Variants in TCF12 observed in about 807,000 individuals in gnomAD.
TCF12 encodes DNA-binding protein HTF4.
TCF12 carries 45 observed loss-of-function variants against 86.0 expected under a neutral mutation model. That is an observed-to-expected ratio of 0.52 (90% CI 0.41 to 0.67). The LOEUF is 0.67. Ranked by LOEUF, TCF12 falls within the 30% of genes least tolerant of loss-of-function variation. The pLI is 0.00. For synonymous variants in TCF12, 330 were observed against 299.6 expected (o/e 1.10, Z -1.05); for missense variants, 881 against 859.9 (o/e 1.02, Z -0.31).
chr15:57,277,298 C>A (rs759306171), intron 19 of TCF12, among the ~76,000 whole-genome samples: 49 of 152,034 alleles, frequency 3.2e-4, no homozygotes, highest in Non-Finnish European at 8.8e-5. Flanking sequence ...ACACTCCAGC[C>A]TGGGTGACAG....
intron 4 of TCF12, among the ~76,000 whole-genome samples, chr15:57,075,339 C>T (rs557229381): frequency 1.3e-5 from 2 of 152,244 alleles, no homozygotes; most frequent in South Asian, 4.1e-4. Flanking sequence ...TTTGTAGTCT[C>T]TTGGAATTCT....
rs1567371129 is a variant in TCF12, at chr15:57,075,829, TC to T, written c.222+12007del. Among the ~76,000 whole-genome samples the T allele has an allele frequency of 4.4e-4, 32 of 73,376 alleles. 1 individual carries two copies. The highest frequency in any genetic ancestry group is 7.8e-3 in the Middle Eastern group (1 of 128). The allele number at this position is 73,376 out of a possible 152,430, so 48.1% of individuals were successfully genotyped here. A position where few individuals can be genotyped will look rare whatever the true frequency, so the allele number is the denominator to read the frequency against. ...TTCTCTCTCTCTCTCTCTCTCTCTC[TC>T]TCTCTTTTCTTTCTTTCTTTCTTTC... is the stretch of plus-strand genomic sequence containing the variant. On this transcript the variant is annotated intron_variant, in intron 4 of 20. Transcript: ENST00000333725.
At chr15:57,236,362 TGAG>T (rs1403339155) in intron 12 of TCF12, among the ~76,000 whole-genome samples, 12 of 152,244 alleles carry the variant, frequency 7.9e-5, no homozygotes, top group East Asian at 7.7e-4. Flanking sequence ...TTAGAAGAGA[TGAG>T]GAGAAGGAAA....
intron 3 of TCF12, among the ~76,000 whole-genome samples, chr15:57,048,288 G>GTC (rs1486366072): frequency 6.6e-6 from 1 of 152,090 alleles, no homozygotes; most frequent in Non-Finnish European, 1.5e-5. Context: ...TTGAGACAGA[G>GTC]TCTCGCTGTG....
chr15:57,075,804 T>TTCTTTCTCTCTCTCTCTCTCTCTCTCTC (rs1461514777), intron 4 of TCF12, among the ~76,000 whole-genome samples: 7 of 28,600 alleles, frequency 2.4e-4, no homozygotes, highest in South Asian at 2.1e-3. Flanking sequence ...CTTTCTTTCT[T>TTCTTTCTCTCTCTCTCTCTCTCTCTCTC]TCTCTCTCTC....
At chr15:57,044,861 A>G (rs2067127865) in intron 3 of TCF12, among the ~76,000 whole-genome samples, 1 of 152,136 alleles carries the variant, frequency 6.6e-6, no homozygotes, top group African/African-American at 2.4e-5. Flanking sequence ...TTTGGGAGAA[A>G]ACCTCTGTTT....
intron 3 of TCF12, among the ~76,000 whole-genome samples, chr15:56,927,837 G>C (rs1399684756): frequency 6.6e-6 from 1 of 152,170 alleles, no homozygotes; most frequent in Admixed American, 6.5e-5. Context: ...TATAAAATTA[G>C]TGACTTTGGT....
chr15:57,030,220 T>C (rs1378668042), intron 3 of TCF12, among the ~76,000 whole-genome samples: 6 of 152,068 alleles, frequency 3.9e-5, no homozygotes, highest in Non-Finnish European at 1.5e-5. Flanking sequence ...GGAGTTTGCT[T>C]TATTGATTGA....
At position 56,962,097 on chromosome 15, in the gene TCF12, T is replaced by C. The variant is rs1187668556; in HGVS notation, c.148+40999T>C. 1.5e-4 allele frequency among the ~76,000 whole-genome samples: 21 copies of C among 138,636 alleles called. No homozygotes were observed. In the South Asian group the frequency reaches 3.6e-3, roughly 24 times the overall value. 91.0% of individuals were successfully genotyped at this position (138,636 alleles called of 152,430 possible). A position where few individuals can be genotyped will look rare whatever the true frequency, so the allele number is the denominator to read the frequency against. ...GCAGTGAGCCGAGACTGCGCCACTG[T>C]ACTCCAGCCTGGGTGACAGAGCGAG... On this transcript the variant is annotated intron_variant, in intron 3 of 20. Coordinates refer to ENST00000333725, the MANE Select transcript of TCF12 (RefSeq NM_207037.2).
chr15:57,083,347 T>G (rs1192556042), intron 4 of TCF12, among the ~76,000 whole-genome samples: 1 of 152,166 alleles, frequency 6.6e-6, no homozygotes, highest in Non-Finnish European at 1.5e-5. Context: ...TCAGTGGAGA[T>G]AAAAAGAGAT....
intron 6 of TCF12, among the ~76,000 whole-genome samples, chr15:57,183,096 G>A (rs1374473044): frequency 6.6e-6 from 1 of 152,128 alleles, no homozygotes. Context: ...ACATTTGAAA[G>A]TGTATTAGGG....
rs565341060 is a variant in TCF12 at position 57,257,346 on chromosome 15, T to G, written c.1467+3878T>G. On this transcript the variant is annotated intron_variant, in intron 16 of 20. Transcript: ENST00000333725. ...CCAGGATCCACTGGTAGTGGAAGAG[T>G]AAGAGTTGATGGCAGGATAAAAGTG... Among the ~76,000 whole-genome samples, 10 of 152,130 alleles carry G rather than the reference T, an allele frequency of 6.6e-5. No homozygotes were observed. The South Asian group carries it at 1.5e-3, about 22-fold the overall frequency.
At chr15:56,998,894 C>T (rs1261737753) in intron 3 of TCF12, among the ~76,000 whole-genome samples, 1 of 152,052 alleles carries the variant, frequency 6.6e-6, no homozygotes, top group Non-Finnish European at 1.5e-5. Flanking sequence ...ACAGAAATCT[C>T]CAAGTACTTA....
At chr15:57,135,052 A>G (rs1053411152) in intron 5 of TCF12, among the ~76,000 whole-genome samples, 2 of 152,194 alleles carry the variant, frequency 1.3e-5, no homozygotes, top group Non-Finnish European at 2.9e-5. Context: ...AGTTTAAGGA[A>G]TTTCCTTTGT....
chr15:57,150,095 G>T (rs2053634665), intron 5 of TCF12, among the ~76,000 whole-genome samples: 1 of 152,134 alleles, frequency 6.6e-6, no homozygotes, highest in South Asian at 2.1e-4. Context: ...AAAAAGACGA[G>T]ATAATCAAAC....
chr15:57,058,777 GTTA>G (rs1210853607), intron 3 of TCF12, among the ~76,000 whole-genome samples: 5 of 152,080 alleles, frequency 3.3e-5, no homozygotes, highest in African/African-American at 1.2e-4. Context: ...CAAAGCACTT[GTTA>G]TTATATTCTA....
chr15:57,165,537 T>TA (rs1424304491), intron 5 of TCF12, among the ~76,000 whole-genome samples: 2 of 146,964 alleles, frequency 1.4e-5, no homozygotes, highest in Admixed American at 6.9e-5. Context: ...TATACTGTAT[T>TA]AATTTTTTTT....
chr15:57,225,992 C>T (rs2097333098), intron 8 of TCF12, among the ~76,000 whole-genome samples: 1 of 149,564 alleles, frequency 6.7e-6, no homozygotes, highest in African/African-American at 2.5e-5. Flanking sequence ...GGTATATCTC[C>T]TAATGCTATC....
At chr15:57,171,968 G>T (rs528625207) in intron 6 of TCF12, among the ~76,000 whole-genome samples, 2 of 152,196 alleles carry the variant, frequency 1.3e-5, no homozygotes, top group Admixed American at 6.5e-5. Flanking sequence ...AGGTGGCAGG[G>T]TCTTGGTTTT....
Sources: allele counts gnomAD v4.1 joint callset (sites outside exome capture counted in the v4.1 genomes callset), GRCh38; gene constraint gnomAD v4.1.1; transcripts MANE v1.5; gene names NCBI Gene and HGNC (gene_info 2026-07-23, HGNC 2026-07-21).